The following CCDC178 variants were observed in gnomAD, a reference collection of about 807,000 sequenced individuals.
CCDC178 encodes coiled-coil domain containing 178, also known as coiled-coil domain-containing protein 178.
In CCDC178, 126 loss-of-function variants were observed where a neutral mutation model predicts 117.4. The ratio of observed to expected loss-of-function variants is 1.07; its 90% CI spans 0.93 to 1.24. The LOEUF is 1.24. CCDC178 is among the 50% of genes most tolerant of loss of function. The probability of loss-of-function intolerance (pLI) is 0.00; values close to 1 mark genes in which losing one functional copy is unlikely to be tolerated. For missense variants in CCDC178, 1,030 were observed against 986.9 expected, an observed-to-expected ratio of 1.04 and a Z score of -0.59; for synonymous variants, 283 against 313.4, an observed-to-expected ratio of 0.90 and a Z score of 1.02.
At chr18:33,394,600 T>A (rs1225529722) in intron 4 of CCDC178, among the ~76,000 whole-genome samples, 2 of 151,810 alleles carry the variant, frequency 1.3e-5, no homozygotes, top group Non-Finnish European at 2.9e-5. Context: ...TTAATGCTCA[T>A]CAAAAAAACT....
chr18:33,409,362 G>A (rs1201152368), intron 3 of CCDC178, among the ~76,000 whole-genome samples: 1 of 152,206 alleles, frequency 6.6e-6, no homozygotes, highest in Non-Finnish European at 1.5e-5. Flanking sequence ...TGGGATTACA[G>A]GCATGAGCCA....
At chr18:33,108,200 C>A (rs565565741) in intron 20 of CCDC178, among the ~76,000 whole-genome samples, 2 of 151,504 alleles carry the variant, frequency 1.3e-5, no homozygotes, top group Non-Finnish European at 3.0e-5. Flanking sequence ...CATTAGTATA[C>A]CTAAGTGTTT....
chr18:33,188,415 C>T (rs762430174), intron 20 of CCDC178, among the ~76,000 whole-genome samples: 10 of 152,018 alleles, frequency 6.6e-5, no homozygotes, highest in Non-Finnish European at 1.0e-4. Context: ...TGGAGATTAT[C>T]CTGGATTATC....
At chr18:33,319,287 C>T (rs564053127) in intron 11 of CCDC178, among the ~76,000 whole-genome samples, 30 of 151,924 alleles carry the variant, frequency 2.0e-4, no homozygotes, top group African/African-American at 2.7e-4. Context: ...TGAGAACATG[C>T]GGTGTTTGTT....
At position 33,102,724 on chromosome 18, in the gene CCDC178, T is replaced by C. The variant is rs1414380082; in HGVS notation, c.2239-9814A>G. On this transcript the variant is annotated intron_variant, in intron 20 of 22. Transcript: ENST00000383096. ...TGATATAAAATATCTAAGGCAATTT[T>C]CTACAGATAACCATTTCGGGATGTA... 1.3e-4 allele frequency among the ~76,000 whole-genome samples: 20 copies of C among 151,792 alleles called. No individual in the cohort carries two copies. The Admixed American group carries it at 1.3e-3, about 10-fold the overall frequency.
chr18:33,352,375 C>G (rs1224885510), intron 7 of CCDC178, among the ~76,000 whole-genome samples: 1 of 152,018 alleles, frequency 6.6e-6, no homozygotes, highest in Non-Finnish European at 1.5e-5. Flanking sequence ...AAAGAAAAAC[C>G]TTTTGTTTTA....
At chr18:33,306,724 T>C (rs2062260428) in intron 11 of CCDC178, among the ~76,000 whole-genome samples, 3 of 151,766 alleles carry the variant, frequency 2.0e-5, no homozygotes, top group Non-Finnish European at 2.9e-5. Flanking sequence ...GACTTAGTAA[T>C]TGATAAGATT....
chr18:33,285,559 G>A (rs1286723981), intron 12 of CCDC178, among the ~76,000 whole-genome samples: 3 of 152,018 alleles, frequency 2.0e-5, no homozygotes, highest in Non-Finnish European at 4.4e-5. Context: ...TATGAATATG[G>A]ATGCAAAATC....
intron 11 of CCDC178, among the ~76,000 whole-genome samples, chr18:33,315,503 C>CTCTG (rs2062402918): frequency 6.6e-6 from 1 of 152,160 alleles, no homozygotes; most frequent in African/African-American, 2.4e-5. Flanking sequence ...GATCTTCAGG[C>CTCTG]TCTGTCTCCT....
At chr18:33,381,684 A>C (rs967731481) in intron 5 of CCDC178, among the ~76,000 whole-genome samples, 2 of 152,028 alleles carry the variant, frequency 1.3e-5, no homozygotes, top group African/African-American at 4.8e-5. Flanking sequence ...CTTTTTCTTA[A>C]TGCTTGCAGA....
intron 20 of CCDC178, among the ~76,000 whole-genome samples, chr18:33,160,802 A>T (rs551651026): frequency 6.6e-6 from 1 of 152,220 alleles, no homozygotes; most frequent in East Asian, 1.9e-4. Flanking sequence ...GACTTGAATG[A>T]TATTTTCCAA....
Position 33,224,771 on chromosome 18 carries a change from T to C in CCDC178, c.1818+4A>G, listed in dbSNP as rs1209922323. 12 of 1,494,530 alleles carry C rather than the reference T, an allele frequency of 8.0e-6. 1 individual carries two copies. Among genetic ancestry groups the C allele is most frequent in the African/African-American group, 4.3e-5 (3 of 69,822 alleles). The allele number at this position is 1,494,530 out of a possible 1,614,324, so 92.6% of individuals were successfully genotyped here. On this transcript the variant is annotated splice_donor_region_variant and intron_variant, in intron 17 of 22. Coordinates refer to ENST00000383096, the MANE Select transcript of CCDC178 (RefSeq NM_001105528.4). ...ATTAATTTTTGGATTAATTAAATGC[T>C]TACAACAGAATGTTCTTTGTCGAGA...
chr18:33,136,587 A>G (rs371752862), intron 20 of CCDC178, among the ~76,000 whole-genome samples: 44 of 152,338 alleles, frequency 2.9e-4, no homozygotes, highest in African/African-American at 1.0e-3. Context: ...TGTGGCCCAC[A>G]GGATGAAGAC....
intron 20 of CCDC178, among the ~76,000 whole-genome samples, chr18:33,171,983 T>C (rs146726043): frequency 0.016 from 2,395 of 152,302 alleles, 28 homozygotes; most frequent in Middle Eastern, 0.048. Flanking sequence ...CGAACTCGGC[T>C]TACTGCAACC....
intron 12 of CCDC178, among the ~76,000 whole-genome samples, chr18:33,288,532 CT>C (rs2060130058): frequency 6.7e-6 from 1 of 150,212 alleles, no homozygotes; most frequent in Non-Finnish European, 1.5e-5. Context: ...CACTTATTGT[CT>C]AACATGGGAA....
At chr18:33,345,903 C>G (rs1052051863) in intron 9 of CCDC178, among the ~76,000 whole-genome samples, 2 of 152,172 alleles carry the variant, frequency 1.3e-5, no homozygotes, top group Admixed American at 6.5e-5. Context: ...CTGGGGCTCA[C>G]TGCAGCCTCA....
At chr18:33,053,445 T>C (rs1036008002) in intron 21 of CCDC178, among the ~76,000 whole-genome samples, 6 of 152,190 alleles carry the variant, frequency 3.9e-5, no homozygotes, top group Non-Finnish European at 8.8e-5. Flanking sequence ...TAGGTAATAC[T>C]TTGTGATGAA....
At chr18:33,362,709 G>A (rs931267764) in intron 6 of CCDC178, among the ~76,000 whole-genome samples, 22 of 151,840 alleles carry the variant, frequency 1.4e-4, no homozygotes, top group South Asian at 6.2e-4. Flanking sequence ...TCAAATAAAC[G>A]CAATAAAATT....
At chr18:33,190,889 G>A (rs2058849899) in intron 20 of CCDC178, among the ~76,000 whole-genome samples, 2 of 151,906 alleles carry the variant, frequency 1.3e-5, no homozygotes, top group African/African-American at 2.4e-5. Context: ...TACTTTCAAT[G>A]AACATCCCAA....
Sources: gnomAD v4.1 joint callset for allele counts (sites outside exome capture counted in the v4.1 genomes callset) on GRCh38, gnomAD v4.1.1 for gene constraint, MANE v1.5 for transcripts, NCBI Gene and HGNC (gene_info 2026-07-23, HGNC 2026-07-21) for gene names.